PRKG1: variants seen among roughly 807,000 people sequenced by gnomAD.
PRKG1 encodes protein kinase cGMP-dependent 1, also known as cGMP-dependent protein kinase 1.
In PRKG1, 35 loss-of-function variants were observed where a neutral mutation model predicts 88.1. The observed-to-expected ratio is 0.40, with a 90% CI of 0.30 to 0.53. The LOEUF (loss-of-function observed/expected upper bound fraction) is 0.53, where lower values mean the gene tolerates loss of function less well. PRKG1 is among the 20% of genes least tolerant of loss of function. The pLI is 0.59. For missense variants in PRKG1, 540 were observed against 839.8 expected (o/e 0.64, Z 4.41); for synonymous variants, 303 against 292.5 (o/e 1.04, Z -0.37).
chr10:51,436,245 G>T (rs560978361), intron 2 of PRKG1, among the ~76,000 whole-genome samples: 2 of 150,056 alleles, frequency 1.3e-5, no homozygotes, highest in Admixed American at 6.7e-5. Flanking sequence ...TGCTGTCGTT[G>T]ATCAGTGGTA....
At chr10:51,773,166 G>T (rs566330392) in intron 3 of PRKG1, among the ~76,000 whole-genome samples, 2 of 152,052 alleles carry the variant, frequency 1.3e-5, no homozygotes, top group South Asian at 2.1e-4. Flanking sequence ...AATTTTAGTT[G>T]TGTTTATTTC....
chr10:51,940,050 C>T (rs1159190677), intron 5 of PRKG1, among the ~76,000 whole-genome samples: 2 of 151,852 alleles, frequency 1.3e-5, no homozygotes, highest in Admixed American at 6.6e-5. Flanking sequence ...TATAGCTGCC[C>T]CTAGTCCCCA....
chr10:51,092,237 T>C (rs1844416327), intron 1 of PRKG1, among the ~76,000 whole-genome samples: 1 of 152,062 alleles, frequency 6.6e-6, no homozygotes, highest in Non-Finnish European at 1.5e-5. Context: ...ATGAGAAAAA[T>C]GTAATACAAA....
At chr10:52,034,043 A>C (rs1248016821) in intron 5 of PRKG1, among the ~76,000 whole-genome samples, 1 of 151,770 alleles carries the variant, frequency 6.6e-6, no homozygotes, top group Non-Finnish European at 1.5e-5. Context: ...CACTTAAGGC[A>C]AGGACTGGCC....
chr10:50,994,979 A>C (rs1332963417), intron 1 of PRKG1, among the ~76,000 whole-genome samples: 3 of 152,212 alleles, frequency 2.0e-5, no homozygotes, highest in African/African-American at 7.2e-5. Context: ...GGTTTTATGC[A>C]AATACTACAC....
chr10:51,251,436 A>T (rs573847695), intron 2 of PRKG1, among the ~76,000 whole-genome samples: 1 of 151,922 alleles, frequency 6.6e-6, no homozygotes, highest in African/African-American at 2.4e-5. Context: ...TCCATTTGGA[A>T]CAGCTTATTG....
At position 51,211,852 on chromosome 10, in the gene PRKG1, G is replaced by A. The variant is rs183504620; in HGVS notation, c.478+58522G>A. Among the ~76,000 whole-genome samples, 19 of 152,272 alleles carry A rather than the reference G, an allele frequency of 1.2e-4. No individual in the cohort carries two copies. The East Asian group carries it at 3.5e-3, about 28-fold the overall frequency. On this transcript the variant is annotated intron_variant, in intron 2 of 17. Coordinates refer to ENST00000373980, the MANE Select transcript of PRKG1 (RefSeq NM_006258.4). ...AAATGGAAGAACATTTCATGCTCAT[G>A]GATAGGAAGAATCAATATCGTGAAA...
At chr10:51,069,929 T>G (rs1357927147), upstream of PRKG1, among the ~76,000 whole-genome samples, 1 of 152,080 alleles carries the variant, frequency 6.6e-6, no homozygotes, top group Non-Finnish European at 1.5e-5. Flanking sequence ...TGAGCCAGAA[T>G]GTAATCTTGT....
intron 2 of PRKG1, among the ~76,000 whole-genome samples, chr10:51,297,184 G>A (rs1017325524): frequency 6.6e-6 from 1 of 151,988 alleles, no homozygotes; most frequent in African/African-American, 2.4e-5. Flanking sequence ...TTTGTAATAG[G>A]GGGAAAAAGG....
intron 5 of PRKG1, among the ~76,000 whole-genome samples, chr10:51,987,091 T>G (rs1414322525): frequency 6.6e-6 from 1 of 152,116 alleles, no homozygotes; most frequent in East Asian, 1.9e-4. Flanking sequence ...AATTAATAAT[T>G]AAAAATAAAA....
At chr10:51,870,223 G>A (rs183682779) in intron 4 of PRKG1, among the ~76,000 whole-genome samples, 46 of 152,212 alleles carry the variant, frequency 3.0e-4, no homozygotes, top group Admixed American at 2.8e-3. Flanking sequence ...TAGGAAATAA[G>A]GTGTTATAGG....
At chr10:51,647,948 T>G (rs1271995754) in intron 3 of PRKG1, among the ~76,000 whole-genome samples, 1 of 152,146 alleles carries the variant, frequency 6.6e-6, no homozygotes, top group Non-Finnish European at 1.5e-5. Context: ...TCAACCATGT[T>G]TCCCTTTGTG....
intron 2 of PRKG1, among the ~76,000 whole-genome samples, chr10:51,447,970 G>C (rs990782472): frequency 6.6e-6 from 1 of 151,996 alleles, no homozygotes; most frequent in East Asian, 1.9e-4. Context: ...TAATATTTTT[G>C]AGGGAATTAT....
chr10:51,164,175 G>A (rs1846458403), intron 2 of PRKG1, among the ~76,000 whole-genome samples: 2 of 152,154 alleles, frequency 1.3e-5, no homozygotes, highest in African/African-American at 4.8e-5. Flanking sequence ...CACCTCACAT[G>A]GCTGGGTACT....
chr10:51,354,406 A>G (rs2132572722), intron 2 of PRKG1, among the ~76,000 whole-genome samples: 1 of 152,292 alleles, frequency 6.6e-6, no homozygotes, highest in Non-Finnish European at 1.5e-5. Context: ...TCTGTATCAA[A>G]AAATATCATG....
intron 9 of PRKG1, among the ~76,000 whole-genome samples, chr10:52,200,526 G>A (rs1839637437): frequency 6.6e-6 from 1 of 152,140 alleles, no homozygotes; most frequent in Non-Finnish European, 1.5e-5. Context: ...TCATATGTGT[G>A]CATATGTCTT....
At chr10:51,917,345 A>C (rs1482205324) in intron 5 of PRKG1, among the ~76,000 whole-genome samples, 1 of 150,700 alleles carries the variant, frequency 6.6e-6, no homozygotes, top group East Asian at 1.9e-4. Flanking sequence ...AAGAGTGTGG[A>C]TTTCTTTTTA....
At chr10:52,050,003 A>G (rs573876664) in intron 5 of PRKG1, among the ~76,000 whole-genome samples, 118 of 152,212 alleles carry the variant, frequency 7.8e-4, no homozygotes, top group Non-Finnish European at 1.2e-3. Context: ...AGTTCATACA[A>G]TGGAGAGAAC....
chr10:52,005,586 C>T (rs1844713562), intron 5 of PRKG1, among the ~76,000 whole-genome samples: 1 of 152,086 alleles, frequency 6.6e-6, no homozygotes, highest in South Asian at 2.1e-4. Flanking sequence ...TCCCAGTAAG[C>T]ACATGGACAG....
Sources: allele counts gnomAD v4.1 joint callset (sites outside exome capture counted in the v4.1 genomes callset), GRCh38; gene constraint gnomAD v4.1.1; transcripts MANE v1.5; gene names NCBI Gene and HGNC (gene_info 2026-07-23, HGNC 2026-07-21).